Variants in MDGA2 observed in about 807,000 individuals in gnomAD.
MDGA2 encodes the protein MAM domain-containing glycosylphosphatidylinositol anchor protein 2.
In MDGA2, 40 loss-of-function variants were observed where a neutral mutation model predicts 117.8. That is an observed-to-expected ratio of 0.34 (90% confidence interval 0.26 to 0.44). MDGA2 has a LOEUF of 0.44. Ranked by LOEUF, MDGA2 falls within the 20% of genes least tolerant of loss-of-function variation. MDGA2 has a pLI of 1.00. For missense variants in MDGA2, 1,123 were observed against 1,250.6 expected, an observed-to-expected ratio of 0.90 and a Z score of 1.54; for synonymous variants, 452 against 439.0, an observed-to-expected ratio of 1.03 and a Z score of -0.37.
chr14:47,566,106 C>G (rs1895913946), intron 1 of MDGA2, among the ~76,000 whole-genome samples: 1 of 152,192 alleles, frequency 6.6e-6, no homozygotes, highest in African/African-American at 2.4e-5. Flanking sequence ...TGCACACAAG[C>G]AAAGTGATGG....
At chr14:47,222,569 A>C (rs1271862286) in intron 2 of MDGA2, among the ~76,000 whole-genome samples, 1 of 152,112 alleles carries the variant, frequency 6.6e-6, no homozygotes, top group African/African-American at 2.4e-5. Context: ...GAGGAAATAC[A>C]GGACAAACTA....
chr14:47,131,991 C>A, intron 4 of MDGA2, 145 bp from the exon 5 acceptor site: 3 of 565,250 alleles, frequency 5.3e-6, no homozygotes, highest in Non-Finnish European at 8.2e-6. Context: ...AATGTCCTAT[C>A]TTTCAAATAA....
chr14:47,150,935 A>G (rs1429246584), intron 3 of MDGA2, among the ~76,000 whole-genome samples: 1 of 151,704 alleles, frequency 6.6e-6, no homozygotes, highest in African/African-American at 2.4e-5. Context: ...AAAAAAAAAA[A>G]AAAAAAAAGA....
At chr14:47,416,954 G>C (rs1295573244) in intron 1 of MDGA2, among the ~76,000 whole-genome samples, 1 of 152,180 alleles carries the variant, frequency 6.6e-6, no homozygotes, top group Non-Finnish European at 1.5e-5. Flanking sequence ...GAAGAGAGGA[G>C]AGCTGTAGAG....
At chr14:47,293,085 G>A (rs1378140211) in intron 2 of MDGA2, among the ~76,000 whole-genome samples, 1 of 152,106 alleles carries the variant, frequency 6.6e-6, no homozygotes, top group Non-Finnish European at 1.5e-5. Context: ...GGATACAGAG[G>A]ACAGTCACCC....
intron 9 of MDGA2, among the ~76,000 whole-genome samples, chr14:46,935,770 C>T (rs1318564721): frequency 6.6e-6 from 1 of 152,138 alleles, no homozygotes; most frequent in African/African-American, 2.4e-5. Context: ...ATTCTATCTC[C>T]AGAGGCTTCC....
intron 1 of MDGA2, among the ~76,000 whole-genome samples, chr14:47,528,762 A>G (rs1490381505): frequency 6.6e-6 from 1 of 152,184 alleles, no homozygotes; most frequent in Non-Finnish European, 1.5e-5. Flanking sequence ...ATTCTCTTCT[A>G]ACTTTACATA....
chr14:46,967,357 T>C (rs1886077239), intron 8 of MDGA2, among the ~76,000 whole-genome samples: 1 of 152,174 alleles, frequency 6.6e-6, no homozygotes, highest in African/African-American at 2.4e-5. Context: ...CAAATACTTG[T>C]TGTCTGGTTC....
chr14:47,481,814 A>AC (rs891756904), intron 1 of MDGA2, among the ~76,000 whole-genome samples: 13 of 152,014 alleles, frequency 8.6e-5, no homozygotes, highest in Non-Finnish European at 1.8e-4. Flanking sequence ...TTAAAATGCT[A>AC]CAAAAAAATG....
At chr14:47,169,305 T>G (rs1884022606) in intron 3 of MDGA2, among the ~76,000 whole-genome samples, 1 of 151,916 alleles carries the variant, frequency 6.6e-6, no homozygotes, top group Non-Finnish European at 1.5e-5. Flanking sequence ...TGTTAAAATA[T>G]TCATAGATAT....
At chr14:47,174,216 A>G (rs1884325070) in intron 3 of MDGA2, among the ~76,000 whole-genome samples, 1 of 152,160 alleles carries the variant, frequency 6.6e-6, no homozygotes, top group Non-Finnish European at 1.5e-5. Flanking sequence ...TTAACACCCC[A>G]TTGTCAACAT....
At chr14:47,271,932 A>C (rs1024240870) in intron 2 of MDGA2, among the ~76,000 whole-genome samples, 3 of 152,110 alleles carry the variant, frequency 2.0e-5, no homozygotes, top group African/African-American at 4.8e-5. Context: ...TTAAGTTGAT[A>C]GTTTGCTATT....
chr14:46,847,600 G>T (rs1185170312), intron 15 of MDGA2, among the ~76,000 whole-genome samples: 2 of 152,016 alleles, frequency 1.3e-5, no homozygotes, highest in African/African-American at 4.8e-5. Context: ...TATTTAAAAG[G>T]TCTATGAGAA....
chr14:47,318,822 G>GAAGCAAGGAAGGAAGC (rs758272475), intron 1 of MDGA2, among the ~76,000 whole-genome samples: 47 of 152,024 alleles, frequency 3.1e-4, no homozygotes, highest in Admixed American at 8.5e-4. Context: ...AGGAAGGAAG[G>GAAGCAAGGAAGGAAGC]AAGGAAGGAA....
intron 6 of MDGA2, among the ~76,000 whole-genome samples, chr14:47,063,299 C>A (rs1382153765): frequency 2.0e-5 from 3 of 151,926 alleles, no homozygotes; most frequent in Admixed American, 6.6e-5. Flanking sequence ...TTACATTTTT[C>A]CATAATAAAA....
chr14:47,488,487 C>T (rs1283185143), intron 1 of MDGA2, among the ~76,000 whole-genome samples: 1 of 151,950 alleles, frequency 6.6e-6, no homozygotes, highest in African/African-American at 2.4e-5. Flanking sequence ...AATGCCACTT[C>T]TTTTATAAAG....
intron 16 of MDGA2, among the ~76,000 whole-genome samples, chr14:46,843,415 C>T (rs1377887912): frequency 6.6e-6 from 1 of 152,098 alleles, no homozygotes; most frequent in Non-Finnish European, 1.5e-5. Context: ...GTTACTGCCA[C>T]TCAGTCATAC....
intron 3 of MDGA2, among the ~76,000 whole-genome samples, chr14:47,186,283 G>T (rs1884907709): frequency 6.6e-6 from 1 of 151,412 alleles, no homozygotes; most frequent in South Asian, 2.1e-4. Flanking sequence ...ATTACATAAA[G>T]ATTATTTTAT....
At chr14:47,010,334 A>T (rs1489878104) in intron 8 of MDGA2, among the ~76,000 whole-genome samples, 3 of 67,642 alleles carry the variant, frequency 4.4e-5, no homozygotes, top group Non-Finnish European at 6.2e-5. Context: ...ATAAGGATTT[A>T]AGATCTTAGG....
Sources: allele counts gnomAD v4.1 joint callset (sites outside exome capture counted in the v4.1 genomes callset), GRCh38; gene constraint gnomAD v4.1.1; transcripts MANE v1.5; gene names NCBI Gene and HGNC (gene_info 2026-07-23, HGNC 2026-07-21).